Variants in PMS1 observed in about 807,000 individuals in gnomAD.
PMS1 encodes PMS1 homolog 1, mismatch repair system component, also known as PMS1 protein homolog 1.
Under a neutral mutation model 93.1 loss-of-function variants are expected in PMS1, and 79 were observed. The observed-to-expected ratio is 0.85, with a 90% CI of 0.71 to 1.02. The LOEUF (loss-of-function observed/expected upper bound fraction) is 1.02. Among genes scored for constraint, PMS1 ranks in the 50% least tolerant of loss-of-function variants. The probability of loss-of-function intolerance (pLI) is 0.00; values close to 1 mark genes in which losing one functional copy is unlikely to be tolerated. For missense variants in PMS1, 1,064 were observed against 1,085.3 expected, an observed-to-expected ratio of 0.98 and a Z score of 0.28; for synonymous variants, 335 against 363.4, an observed-to-expected ratio of 0.92 and a Z score of 0.89.
chr2:189,801,194 A>G (rs2049859423), intron 3 of PMS1, among the ~76,000 whole-genome samples: 1 of 152,158 alleles, frequency 6.6e-6, no homozygotes, highest in South Asian at 2.1e-4. Flanking sequence ...AACTATTGGT[A>G]TTTTAAAATG....
rs199892342 is a variant in PMS1 at position 189,873,562 on chromosome 2, T to C, written c.2540T>C (p.Val847Ala). ...GMANCLPFYGVADLKEILNAI... is the reference protein window; with the variant it reads ...GMANCLPFYGAADLKEILNAI... ...GCTAATTGTCTCCCATTCTATGGAG[T>C]AGCAGATTTAAAAGAAATTCTTAAT... is the stretch of plus-strand genomic sequence containing the variant. Residue 847 changes from valine to alanine, a missense_variant, in exon 12 of 13, where the codon GTA (valine) becomes GCA (alanine). Coordinates refer to ENST00000441310, the MANE Select transcript of PMS1 (RefSeq NM_000534.5). The C allele has an allele frequency of 5.3e-5, 84 of 1,598,506 alleles. No individual in the cohort carries two copies. Among genetic ancestry groups the C allele is most frequent in the South Asian group, 3.3e-5 (3 of 90,694 alleles).
At position 189,853,823 on chromosome 2, in the gene PMS1, A is replaced by G; in HGVS notation, c.823-116A>G. 4.5e-6 allele frequency: 3 copies of G among 669,462 alleles called. No homozygotes were observed. In the South Asian group the frequency reaches 6.3e-5, roughly 14 times the overall value. The allele number at this position is 669,462 out of a possible 1,614,324, so 41.5% of individuals were successfully genotyped here. A position where few individuals can be genotyped will look rare whatever the true frequency, so the allele number is the denominator to read the frequency against. ...TGAGCCACTGTGCCGGGTCATGATA[A>G]TGCTTTTCCTAATAAGCAGTTGCAT... is the stretch of plus-strand genomic sequence containing the variant. On this transcript the variant is annotated intron_variant, in intron 7 of 12. Coordinates refer to ENST00000441310, the MANE Select transcript of PMS1 (RefSeq NM_000534.5).
chr2:189,836,113 A>G (rs2053365665), intron 5 of PMS1, among the ~76,000 whole-genome samples: 2 of 152,230 alleles, frequency 1.3e-5, no homozygotes, highest in Admixed American at 1.3e-4. Context: ...ACTATGCATC[A>G]TCTGTGTGCA....
chr2:189,847,926 A>T (rs547155661), intron 6 of PMS1, among the ~76,000 whole-genome samples: 1 of 152,144 alleles, frequency 6.6e-6, no homozygotes, highest in South Asian at 2.1e-4. Flanking sequence ...AAAATCTTGG[A>T]TGGAAGCTTG....
rs760566355 is a variant in PMS1, at chr2:189,853,979, C to T, written c.863C>T (p.Ser288Phe). 1 of 1,605,144 alleles carries T rather than the reference C, an allele frequency of 6.2e-7. No individual in the cohort carries two copies. The highest frequency in any genetic ancestry group is 8.5e-7 in the Non-Finnish European group (1 of 1,174,400). ...HHYNLKCLKE[S>F]TRLYPVFFLK... ...TACAATCTGAAATGCCTAAAGGAAT[C>T]TACTCGTTTGTATCCTGTTTTCTTT... Residue 288 changes from serine (S) to phenylalanine (F), a missense_variant, in exon 8 of 13, where the codon TCT becomes TTT. Coordinates refer to ENST00000441310, the MANE Select transcript of PMS1 (RefSeq NM_000534.5).
At chr2:189,802,879 C>G (rs1233300) in intron 3 of PMS1, among the ~76,000 whole-genome samples, 3,202 of 152,228 alleles carry the variant, frequency 0.021, 108 homozygotes, top group African/African-American at 0.072. Context: ...GAATATTTTA[C>G]TTCCTAAATG....
intron 10 of PMS1, among the ~76,000 whole-genome samples, chr2:189,866,508 C>A (rs980458515): frequency 1.3e-5 from 2 of 152,122 alleles, no homozygotes; most frequent in African/African-American, 4.8e-5. Flanking sequence ...CACAATGCGA[C>A]AATGTGGGCA....
chr2:189,790,419 CTT>C (rs2048752697), intron 1 of PMS1, among the ~76,000 whole-genome samples: 1 of 152,056 alleles, frequency 6.6e-6, no homozygotes, highest in South Asian at 2.1e-4. Context: ...TTTAAGAAAT[CTT>C]TTTAGAACAT....
At chr2:189,808,945 A>C (rs552674855) in intron 4 of PMS1, among the ~76,000 whole-genome samples, 2 of 152,312 alleles carry the variant, frequency 1.3e-5, no homozygotes, top group East Asian at 3.9e-4. Flanking sequence ...ATCAGTATTA[A>C]GCTTTCCAAA....
At position 189,864,719 on chromosome 2, in the gene PMS1, T is replaced by A. The variant is rs868789937; in HGVS notation, c.2342+491T>A. Among the ~76,000 whole-genome samples, 18 of 81,774 alleles carry A rather than the reference T, an allele frequency of 2.2e-4. 1 individual carries two copies. The highest frequency in any genetic ancestry group is 9.6e-4 in the South Asian group (2 of 2,074). 53.6% of individuals were successfully genotyped at this position (81,774 alleles called of 152,430 possible). ...ATATATATATATATATATATATATA[T>A]ATATATATATATATATGATTTCTAA... On this transcript the variant is annotated intron_variant, in intron 10 of 12. Coordinates refer to ENST00000441310, the MANE Select transcript of PMS1 (RefSeq NM_000534.5).
chr2:189,789,220 A>C (rs1437633952), intron 1 of PMS1, among the ~76,000 whole-genome samples: 1 of 152,224 alleles, frequency 6.6e-6, no homozygotes, highest in Non-Finnish European at 1.5e-5. Context: ...TATCATTTGT[A>C]GAACAACACT....
intron 11 of PMS1, among the ~76,000 whole-genome samples, chr2:189,868,234 C>T (rs1359111714): frequency 1.3e-5 from 2 of 152,142 alleles, no homozygotes; most frequent in Non-Finnish European, 2.9e-5. Context: ...TATTAAAATA[C>T]TCCTTTAAAT....
At chr2:189,790,699 A>AG (rs1180292772) in intron 1 of PMS1, among the ~76,000 whole-genome samples, 12 of 152,232 alleles carry the variant, frequency 7.9e-5, no homozygotes, top group African/African-American at 2.7e-4. Context: ...TATTTAATGT[A>AG]GTAGTTGCTG....
chr2:189,795,906 C>G lies in PMS1; in HGVS notation c.270C>G (p.Tyr90Ter). The G allele has an allele frequency of 6.2e-7, 1 of 1,613,450 alleles. No homozygotes were observed. The highest frequency in any genetic ancestry group is 8.5e-7 in the Non-Finnish European group (1 of 1,179,462). ...AAGATCTTGAAAATTTGACAACTTA[C>G]GGTTTTCGTGGAGAAGCCTTGGGGT... is the stretch of plus-strand genomic sequence containing the variant. ...SHEDLENLTT[Y>*]GFRGEALGSI... Residue 90 changes from tyrosine (Y) to a stop codon, truncating the protein, a stop_gained, in exon 3 of 13, where the codon TAC (tyrosine) becomes TAG (stop). Coordinates refer to ENST00000441310, the MANE Select transcript of PMS1 (RefSeq NM_000534.5). LOFTEE classifies it high-confidence loss of function.
intron 9 of PMS1, among the ~76,000 whole-genome samples, chr2:189,860,894 C>T (rs1454978484): frequency 1.6e-5 from 2 of 123,188 alleles, no homozygotes; most frequent in African/African-American, 6.0e-5. Context: ...TATACTGTTG[C>T]AACTCTGGCT....
At position 189,859,970 on chromosome 2, in the gene PMS1, G is replaced by A. The variant is rs866269006; in HGVS notation, c.1857-3773G>A. Among the ~76,000 whole-genome samples, 17 of 152,258 alleles carry A rather than the reference G, an allele frequency of 1.1e-4. No homozygotes were observed. The South Asian group carries it at 3.3e-3, about 30-fold the overall frequency. On this transcript the variant is annotated intron_variant, in intron 9 of 12. Transcript: ENST00000441310. Reference sequence around the variant, plus strand: ...AGGAAATTGTTTATTCCATGTTGATGTTAAAGCAGATATATAAGGAATGCT... The same window carrying A: ...AGGAAATTGTTTATTCCATGTTGATATTAAAGCAGATATATAAGGAATGCT...
At chr2:189,876,980 C>CT (rs1303063316) in intron 12 of PMS1, among the ~76,000 whole-genome samples, 1 of 152,046 alleles carries the variant, frequency 6.6e-6, no homozygotes, top group East Asian at 1.9e-4. Context: ...TACAATCACT[C>CT]TATCATGTGG....
intron 3 of PMS1, 130 bp downstream of exon 3, chr2:189,796,081 G>A (rs549796132): frequency 1.6e-4 from 117 of 753,978 alleles, no homozygotes; most frequent in Middle Eastern, 3.8e-4. Flanking sequence ...AACATAAGCC[G>A]GGCGAGGTGG....
At chr2:189,789,353 A>G (rs1223524627) in intron 1 of PMS1, among the ~76,000 whole-genome samples, 2 of 152,138 alleles carry the variant, frequency 1.3e-5, no homozygotes, top group Admixed American at 1.3e-4. Flanking sequence ...ATAGATGACA[A>G]ATTGATTTAT....
Sources: allele counts gnomAD v4.1 joint callset (sites outside exome capture counted in the v4.1 genomes callset), GRCh38; gene constraint gnomAD v4.1.1; transcripts MANE v1.5; gene names NCBI Gene and HGNC (gene_info 2026-07-23, HGNC 2026-07-21).